Variants in ASXL2 observed in about 807,000 individuals in gnomAD.
ASXL2 encodes putative Polycomb group protein ASXL2.
ASXL2 carries 23 observed loss-of-function variants against 122.0 expected under a neutral mutation model. That is an observed-to-expected ratio of 0.19 (90% CI 0.14 to 0.27). The LOEUF (loss-of-function observed/expected upper bound fraction) is 0.27, where lower values mean the gene tolerates loss of function less well. Among genes scored for constraint, ASXL2 ranks in the 10% least tolerant of loss-of-function variants. ASXL2 has a pLI of 1.00. For synonymous variants in ASXL2, 650 were observed against 637.0 expected (o/e 1.02, Z -0.31); for missense variants, 1,518 against 1,713.8 (o/e 0.89, Z 2.02).
intron 3 of ASXL2, among the ~76,000 whole-genome samples, chr2:25,813,279 G>A (rs2089194170): frequency 6.6e-6 from 1 of 152,100 alleles, no homozygotes; most frequent in African/African-American, 2.4e-5. Flanking sequence ...TATAAACACA[G>A]GTCCACAGTC....
chr2:25,796,989 C>T (rs569613102), intron 5 of ASXL2, among the ~76,000 whole-genome samples: 2 of 152,152 alleles, frequency 1.3e-5, no homozygotes, highest in Admixed American at 6.5e-5. Flanking sequence ...TCTAAAACTC[C>T]CAGAACATAA....
In ASXL2 at chr2:25,744,545, T is replaced by C; in HGVS notation, c.1861-69A>G. 1 of 1,482,222 alleles carries C rather than the reference T, an allele frequency of 6.7e-7. No individual in the cohort carries two copies. Among genetic ancestry groups the C allele is most frequent in the Non-Finnish European group, 9.0e-7 (1 of 1,112,328 alleles). 91.8% of individuals were successfully genotyped at this position (1,482,222 alleles called of 1,614,324 possible). On this transcript the variant is annotated intron_variant, in intron 12 of 12. Coordinates refer to ENST00000435504, the MANE Select transcript of ASXL2 (RefSeq NM_018263.6). This position sits in a 1 kb window ranked among gnomAD's most constrained non-coding sequence, Gnocchi z 4.7. ...ATTTGTAAGAATAACAAAACTTCAT[T>C]AGCCCTCACATTTTAAAAACAGATG...
Position 25,799,477 on chromosome 2 carries a change from C to A in ASXL2, c.311G>T (p.Gly104Val). 1 of 1,614,000 alleles carries A rather than the reference C, an allele frequency of 6.2e-7. No homozygotes were observed. Among genetic ancestry groups the A allele is most frequent in the Non-Finnish European group, 8.5e-7 (1 of 1,179,886 alleles). Residue 104 changes from glycine (G) to valine (V), a missense_variant, in exon 5 of 13, where the codon GGT (glycine) becomes GTT (valine). By Grantham distance (109) the Gly-to-Val change is moderately radical. Transcript: ENST00000435504. Reference protein sequence around the residue: ...LSEGSEESSDGQSDSQSSENS... With the variant: ...LSEGSEESSDVQSDSQSSENS... ...CTCAGAACTCTGGGAATCTGACTGA[C>A]CATCACTGCTTTCTTCTGAACCTTC...
In ASXL2 at chr2:25,878,320, A is replaced by G; in HGVS notation, c.-98T>C. On this transcript the variant is annotated 5_prime_UTR_variant, in exon 1 of 13. Coordinates refer to ENST00000435504, the MANE Select transcript of ASXL2 (RefSeq NM_018263.6). ...GCTGCTTTTCCCGCGGTGCCGGGAA[A>G]GGTGGGAGAAAAGGGAAGTCAGACC... is the stretch of plus-strand genomic sequence containing the variant. The G allele has an allele frequency of 7.6e-7, 1 of 1,312,012 alleles. No individual in the cohort carries two copies. The allele number at this position is 1,312,012 out of a possible 1,614,324, so 81.3% of individuals were successfully genotyped here.
At position 25,799,551 on chromosome 2, in the gene ASXL2, T is replaced by A; in HGVS notation, c.253-16A>T. On this transcript the variant is annotated splice_polypyrimidine_tract_variant and intron_variant, in intron 4 of 12. Coordinates refer to ENST00000435504, the MANE Select transcript of ASXL2 (RefSeq NM_018263.6). ...GCACATCTTTCTGAAAATGTAGGCA[T>A]CCAATTAGGATTAATCATTACCATT... The A allele has an allele frequency of 6.2e-7, 1 of 1,606,510 alleles. No homozygotes were observed. The highest frequency in any genetic ancestry group is 8.5e-7 in the Non-Finnish European group (1 of 1,176,870).
intron 1 of ASXL2, among the ~76,000 whole-genome samples, chr2:25,869,305 G>A (rs1483962721): frequency 2.0e-5 from 3 of 151,894 alleles, no homozygotes; most frequent in African/African-American, 7.3e-5. Context: ...ACTCCAGCCT[G>A]GGCAACAGAG....
chr2:25,767,624 A>G lies in ASXL2; in HGVS notation c.734T>C (p.Leu245Ser). 2 of 1,613,958 alleles carry G rather than the reference A, an allele frequency of 1.2e-6. No individual in the cohort carries two copies. Among genetic ancestry groups the G allele is most frequent in the Non-Finnish European group, 1.7e-6 (2 of 1,179,856 alleles). The change falls in exon 8 of 13, where the codon TTG (leucine) becomes TCG (serine). Residue 245 changes from leucine to serine, a missense_variant. Leu to Ser is a moderately radical substitution (Grantham distance 145). Coordinates refer to ENST00000435504, the MANE Select transcript of ASXL2 (RefSeq NM_018263.6). Reference sequence around the variant, plus strand: ...AGATCTCTGGAATGACTTCTTCCCCAAGCCTAGTAAAGTATTTTCCACTTT... The same window carrying G: ...AGATCTCTGGAATGACTTCTTCCCCGAGCCTAGTAAAGTATTTTCCACTTT... ...SVKVENTLLG[L>S]GKKSFQRSER...
At chr2:25,854,485 G>A (rs1452043687) in intron 1 of ASXL2, among the ~76,000 whole-genome samples, 3 of 152,186 alleles carry the variant, frequency 2.0e-5, no homozygotes, top group African/African-American at 7.2e-5. Flanking sequence ...CTGCTGCTGA[G>A]TTGTCCAACT....
At chr2:25,781,807 T>C (rs1314854433) in intron 5 of ASXL2, among the ~76,000 whole-genome samples, 1 of 151,824 alleles carries the variant, frequency 6.6e-6, no homozygotes, top group Non-Finnish European at 1.5e-5. Context: ...CAGCTGGGAC[T>C]ACAGGCGCGT....
chr2:25,802,113 T>C (rs996714285), intron 4 of ASXL2, among the ~76,000 whole-genome samples: 3 of 152,238 alleles, frequency 2.0e-5, no homozygotes, highest in Non-Finnish European at 4.4e-5. Flanking sequence ...GCTTAAGCTA[T>C]TCCTATGTCC....
rs528457488 is a variant in ASXL2, at chr2:25,803,635, G to A, written c.252+2594C>T. Among the ~76,000 whole-genome samples, 19 of 152,346 alleles carry A rather than the reference G, an allele frequency of 1.2e-4. 1 individual carries two copies. The highest frequency in any genetic ancestry group is 4.6e-4 in the African/African-American group (19 of 41,576). On this transcript the variant is annotated intron_variant, in intron 4 of 12. Transcript: ENST00000435504. ...AGGGTCAGGGAGTGGGATGGTTTCA[G>A]ATGAAACTGTTCCACCTCAGATCAT...
In ASXL2 at chr2:25,784,886, A is replaced by G. The variant is rs375242438; in HGVS notation, c.404-13346T>C. ...GTACCAGAGGTTATGATTTCAATAT[A>G]TCTTTTTGAAGGGGACACAATTTGA... On this transcript the variant is annotated intron_variant, in intron 5 of 12. Coordinates refer to ENST00000435504, the MANE Select transcript of ASXL2 (RefSeq NM_018263.6). 7.2e-5 allele frequency among the ~76,000 whole-genome samples: 11 copies of G among 152,338 alleles called. No individual in the cohort carries two copies. The South Asian group carries it at 2.3e-3, about 32-fold the overall frequency.
At chr2:25,810,021 T>C (rs2089143306) in intron 3 of ASXL2, 3 of 546,884 alleles carry the variant, frequency 5.5e-6, no homozygotes, top group South Asian at 4.1e-5. Flanking sequence ...AAGTCATCAG[T>C]TGTCTTTTCC....
rs574423279 is a variant in ASXL2, at chr2:25,736,870, T to C, written c.*5159A>G. The C allele has an allele frequency of 1.6e-4, 24 of 152,346 alleles. No individual in the cohort carries two copies. The highest frequency in any genetic ancestry group is 5.5e-4 in the African/African-American group (23 of 41,582). The allele number at this position is 152,346 out of a possible 1,614,324, so 9.4% of individuals were successfully genotyped here. ...TATTCATTTGTTAAAAAATGGGCTA[T>C]ATACTTTTCTTTATAAAGACGATGT... On this transcript the variant is annotated 3_prime_UTR_variant, in exon 13 of 13. Coordinates refer to ENST00000435504, the MANE Select transcript of ASXL2 (RefSeq NM_018263.6).
chr2:25,785,095 A>G (rs2088716152), intron 5 of ASXL2, among the ~76,000 whole-genome samples: 1 of 152,244 alleles, frequency 6.6e-6, no homozygotes, highest in Admixed American at 6.5e-5. Flanking sequence ...ATGTAGGTGA[A>G]TTATAGACTT....
chr2:25,810,419 C>T (rs1197349391), intron 3 of ASXL2: 3 of 692,508 alleles, frequency 4.3e-6, no homozygotes, highest in Non-Finnish European at 8.0e-6. Flanking sequence ...GCTTTTTCCG[C>T]TTCTTCCGGC....
intron 8 of ASXL2, among the ~76,000 whole-genome samples, chr2:25,761,907 G>C (rs1276194253): frequency 6.6e-6 from 1 of 151,836 alleles, no homozygotes; most frequent in Non-Finnish European, 1.5e-5. Flanking sequence ...TGTACTTCAG[G>C]AAAGAAAATC....
At chr2:25,834,743 A>C (rs927135239) in intron 3 of ASXL2, among the ~76,000 whole-genome samples, 1 of 152,142 alleles carries the variant, frequency 6.6e-6, no homozygotes, top group Admixed American at 6.6e-5. Flanking sequence ...CCCACACACA[A>C]AAAGTCAATT....
In ASXL2 at chr2:25,742,415, G is replaced by T. The variant is rs61745460; in HGVS notation, c.3922C>A (p.Leu1308Ile). 6.3e-7 allele frequency: 1 copy of T among 1,587,572 alleles called. No individual in the cohort carries two copies. Among genetic ancestry groups the T allele is most frequent in the South Asian group, 1.1e-5 (1 of 89,982 alleles). The change falls in exon 13 of 13, where the codon CTT becomes ATT. Residue 1308 changes from leucine to isoleucine, a missense_variant. Around this residue, in one of 8 missense-constraint regions of ASXL2, gnomAD observed 831 missense variants for 833.1 expected, o/e 1.00. Coordinates refer to ENST00000435504, the MANE Select transcript of ASXL2 (RefSeq NM_018263.6). ...ADSPTHQPLL[L>I]PPLQTPKLYG... The stretch of plus-strand genomic sequence containing the variant: ...AACTTCGGGGTTTGCAGGGGTGGAA[G>T]GAGTAGGGGCTGGTGGGTGGGGCTG...
Sources: allele counts gnomAD v4.1 joint callset (sites outside exome capture counted in the v4.1 genomes callset), GRCh38; gene constraint gnomAD v4.1.1; regional missense constraint gnomAD v4.1.1; non-coding constraint Gnocchi (gnomAD v3.1); transcripts MANE v1.5; gene names NCBI Gene and HGNC (gene_info 2026-07-23, HGNC 2026-07-21).